CENPU: variants seen among roughly 807,000 people sequenced by gnomAD.
CENPU encodes centromere protein U, also known as KSHV latent nuclear antigen interacting protein 1.
A neutral mutation model predicts 56.7 loss-of-function variants in CENPU; 46 were observed. That is an observed-to-expected ratio of 0.81 (90% CI 0.64 to 1.04). CENPU has a LOEUF of 1.04. Ranked by LOEUF, CENPU falls within the 50% of genes least tolerant of loss-of-function variation. The probability of loss-of-function intolerance (pLI) is 0.00; values close to 1 mark genes in which losing one functional copy is unlikely to be tolerated. For missense variants in CENPU, 510 were observed against 490.1 expected (o/e 1.04, Z -0.38); for synonymous variants, 166 against 163.0 (o/e 1.02, Z -0.14).
intron 10 of CENPU, among the ~76,000 whole-genome samples, chr4:184,701,807 T>C (rs1760543294): frequency 6.6e-6 from 1 of 152,226 alleles, no homozygotes; most frequent in South Asian, 2.1e-4. Context: ...TAAAGCTACC[T>C]TTGTGACATT....
Position 184,710,056 on chromosome 4 carries a change from T to G in CENPU, c.797+16A>C. 2 of 1,479,746 alleles carry G rather than the reference T, an allele frequency of 1.4e-6. No homozygotes were observed. Among genetic ancestry groups the G allele is most frequent in the Non-Finnish European group, 1.9e-6 (2 of 1,062,348 alleles). 91.7% of individuals were successfully genotyped at this position (1,479,746 alleles called of 1,614,324 possible). On this transcript the variant is annotated intron_variant, in intron 8 of 12. Transcript: ENST00000281453. ...AAATTTATTAGGTAAATATAGCACA[T>G]CATCAAAAGACTTACTGATGCTCTA...
intron 12 of CENPU, among the ~76,000 whole-genome samples, chr4:184,696,208 A>G (rs1454430439): frequency 1.3e-5 from 2 of 152,236 alleles, no homozygotes; most frequent in East Asian, 3.8e-4. Context: ...TTGACAAACT[A>G]ATGTGTTCAA....
intron 8 of CENPU, among the ~76,000 whole-genome samples, chr4:184,704,246 T>C (rs1760644794): frequency 6.6e-6 from 1 of 152,098 alleles, no homozygotes; most frequent in African/African-American, 2.4e-5. Flanking sequence ...CGCCTAATTT[T>C]TAACTTTTTT....
At chr4:184,708,934 C>A (rs1350679998) in intron 8 of CENPU, among the ~76,000 whole-genome samples, 3 of 151,966 alleles carry the variant, frequency 2.0e-5, no homozygotes, top group Non-Finnish European at 4.4e-5. Context: ...ATTCTATCTA[C>A]CTTAATTTAG....
chr4:184,701,967 G>C (rs1156659734), intron 10 of CENPU, 122 bp downstream of exon 10: 1 of 680,270 alleles, frequency 1.5e-6, no homozygotes, highest in Non-Finnish European at 2.6e-6. Flanking sequence ...CCAAATAAAA[G>C]CCTGACAAGA....
chr4:184,726,630 G>A lies in CENPU; in HGVS notation c.215-1568C>T, dbSNP rs1423279242. Among the ~76,000 whole-genome samples the A allele has an allele frequency of 2.6e-5, 4 of 152,112 alleles. No homozygotes were observed. The East Asian group carries it at 7.7e-4, about 29-fold the overall frequency. The stretch of plus-strand genomic sequence containing the variant: ...CCAGCAATTCCATTTCTGGGTAAAT[G>A]TCCAAAAGAGGAGAAAGCAGGGACT... On this transcript the variant is annotated intron_variant, in intron 3 of 12. Coordinates refer to ENST00000281453, the MANE Select transcript of CENPU (RefSeq NM_024629.4).
chr4:184,721,312 A>G (rs760938876), intron 4 of CENPU, among the ~76,000 whole-genome samples: 13 of 152,108 alleles, frequency 8.5e-5, no homozygotes, highest in Non-Finnish European at 1.9e-4. Flanking sequence ...ACTAAAAGGA[A>G]GACAGGAAGG....
chr4:184,716,782 G>A (rs958862644), intron 5 of CENPU, 149 bp from the exon 6 acceptor site: 2 of 660,722 alleles, frequency 3.0e-6, no homozygotes, highest in Non-Finnish European at 5.1e-6. Context: ...AACTTAATTA[G>A]TGGATAGGAC....
At chr4:184,721,943 C>T (rs1251340325) in intron 4 of CENPU, among the ~76,000 whole-genome samples, 12 of 152,210 alleles carry the variant, frequency 7.9e-5, no homozygotes, top group South Asian at 2.1e-4. Context: ...CGGCAGAATA[C>T]GCATTCTTCT....
chr4:184,714,056 T>G (rs1243964653), intron 6 of CENPU: 1 of 152,086 alleles, frequency 6.6e-6, no homozygotes, highest in Non-Finnish European at 1.5e-5. Flanking sequence ...TAAAGGTACA[T>G]GGGAAAGAGA....
chr4:184,699,676 T>C (rs1760465266), intron 11 of CENPU: 2 of 1,212,766 alleles, frequency 1.6e-6, no homozygotes, highest in Middle Eastern at 4.7e-4. Context: ...CTCTTTTTTT[T>C]TTGAGACACA....
chr4:184,702,329 C>A (rs376265420), intron 9 of CENPU, 34 bp downstream of exon 9: 2 of 1,595,200 alleles, frequency 1.3e-6, no homozygotes, highest in Admixed American at 3.4e-5. Flanking sequence ...GTGAAAAAAA[C>A]CTTAGACCAA....
chr4:184,694,966 G>A lies in CENPU; in HGVS notation c.*322C>T, dbSNP rs191677497. The A allele has an allele frequency of 1.3e-3, 751 of 566,854 alleles. 8 individuals carry two copies. The highest frequency in any genetic ancestry group is 0.013 in the African/African-American group (686 of 53,458). 35.1% of individuals were successfully genotyped at this position (566,854 alleles called of 1,614,324 possible). A position where few individuals can be genotyped will look rare whatever the true frequency, so the allele number is the denominator to read the frequency against. On this transcript the variant is annotated 3_prime_UTR_variant, in exon 13 of 13. Transcript: ENST00000281453. ...CTTTGGTGTAAATTCAGGAGAAATC[G>A]CCTTATTAATTAATCAAAATTATGT...
intron 4 of CENPU, 26 bp from the exon 5 acceptor site, chr4:184,717,222 T>A (rs753762894): frequency 2.9e-5 from 45 of 1,548,022 alleles, no homozygotes; most frequent in Non-Finnish European, 3.9e-5. Flanking sequence ...GCCATCAATA[T>A]CTTGTACACA....
At chr4:184,719,611 T>C (rs1220101068) in intron 4 of CENPU, among the ~76,000 whole-genome samples, 1 of 152,114 alleles carries the variant, frequency 6.6e-6, no homozygotes, top group Non-Finnish European at 1.5e-5. Context: ...TGAGCTGGGC[T>C]TGGAGCCAGT....
chr4:184,728,002 A>G (rs1432851202), intron 3 of CENPU, among the ~76,000 whole-genome samples: 1 of 152,170 alleles, frequency 6.6e-6, no homozygotes, highest in Non-Finnish European at 1.5e-5. Context: ...AGAGGGAGTG[A>G]CCACTCATGG....
rs761653921 is a variant in CENPU at position 184,697,748 on chromosome 4, TTCTC to T, written c.1038_1041del (p.Arg347SerfsTer14). The stretch of plus-strand genomic sequence containing the variant: ...TATGCTGCATTCCTAAGGGAAGACT[TTCTC>T]TCTTTAAGTTCATCATATTTTGTTT... On this transcript the variant is annotated frameshift_variant, in exon 12 of 13. Transcript: ENST00000281453. LOFTEE classifies it high-confidence loss of function. The T allele has an allele frequency of 1.3e-5, 21 of 1,612,808 alleles. No individual in the cohort carries two copies. Among genetic ancestry groups the T allele is most frequent in the Non-Finnish European group, 1.6e-5 (19 of 1,179,546 alleles).
At chr4:184,710,908 T>C (rs566177212) in intron 7 of CENPU, among the ~76,000 whole-genome samples, 69 of 152,318 alleles carry the variant, frequency 4.5e-4, no homozygotes, top group African/African-American at 1.5e-3. Context: ...CAAGCTGCAG[T>C]GCAGTAGCAC....
intron 4 of CENPU, among the ~76,000 whole-genome samples, chr4:184,723,497 AAGTAG>A (rs1761345568): frequency 6.8e-6 from 1 of 146,198 alleles, no homozygotes; most frequent in Non-Finnish European, 1.5e-5. Flanking sequence ...CCACTGTTTA[AAGTAG>A]AGCACGTTTT....
Sources: allele counts gnomAD v4.1 joint callset (sites outside exome capture counted in the v4.1 genomes callset), GRCh38; gene constraint gnomAD v4.1.1; transcripts MANE v1.5; gene names NCBI Gene and HGNC (gene_info 2026-07-23, HGNC 2026-07-21).